Variants in EML6 observed in about 807,000 individuals in gnomAD.
The protein encoded by EML6 is EMAP like 6.
In EML6, 154 loss-of-function variants were observed where a neutral mutation model predicts 240.1. The ratio of observed to expected loss-of-function variants is 0.64; its 90% CI spans 0.56 to 0.73. The LOEUF is 0.73. EML6 is among the 30% of genes least tolerant of loss of function. EML6 has a pLI of 0.00. For synonymous variants in EML6, 1,148 were observed against 899.0 expected, an observed-to-expected ratio of 1.28 and a Z score of -4.95; for missense variants, 2,964 against 2,474.6, an observed-to-expected ratio of 1.20 and a Z score of -4.20.
intron 2 of EML6, among the ~76,000 whole-genome samples, chr2:54,802,932 C>T (rs1349000997): frequency 1.3e-5 from 2 of 152,130 alleles, no homozygotes; most frequent in Admixed American, 6.5e-5. Flanking sequence ...TGAATCCAAA[C>T]TGCGCAGAAT....
intron 2 of EML6, among the ~76,000 whole-genome samples, chr2:54,803,330 G>A (rs932641045): frequency 6.6e-6 from 1 of 152,160 alleles, no homozygotes; most frequent in Non-Finnish European, 1.5e-5. Flanking sequence ...GAAAAGAATA[G>A]GACCTCAATT....
At chr2:54,858,283 T>G (rs1475555698) in intron 11 of EML6, among the ~76,000 whole-genome samples, 1 of 152,262 alleles carries the variant, frequency 6.6e-6, no homozygotes, top group Non-Finnish European at 1.5e-5. Flanking sequence ...CAGTACCTTT[T>G]ATAACCTCCT....
intron 28 of EML6, among the ~76,000 whole-genome samples, chr2:54,933,423 A>G (rs6545461): frequency 0.33 from 50,431 of 152,002 alleles, 8,688 homozygotes; most frequent in Non-Finnish European, 0.36. Flanking sequence ...TTCTCTTAAA[A>G]TGGCCCCATT....
chr2:54,849,151 A>G (rs543315138), intron 9 of EML6, among the ~76,000 whole-genome samples: 1 of 152,248 alleles, frequency 6.6e-6, no homozygotes, highest in African/African-American at 2.4e-5. Context: ...AAAAATCGAT[A>G]CATAATAGAT....
At chr2:54,892,695 C>A in intron 19 of EML6, 39 bp downstream of exon 19, 3 of 1,493,106 alleles carry the variant, frequency 2.0e-6, no homozygotes, top group Non-Finnish European at 2.7e-6. Flanking sequence ...CCTCATCAGC[C>A]TTCTAAAATT....
At chr2:54,943,501 C>A (rs1675533358) in intron 28 of EML6, among the ~76,000 whole-genome samples, 1 of 152,210 alleles carries the variant, frequency 6.6e-6, no homozygotes, top group Non-Finnish European at 1.5e-5. Flanking sequence ...CACCTTCCTT[C>A]CAACCTTTTT....
At chr2:54,848,396 C>G (rs907572426) in intron 9 of EML6, among the ~76,000 whole-genome samples, 3 of 152,140 alleles carry the variant, frequency 2.0e-5, no homozygotes, top group African/African-American at 7.2e-5. Context: ...ACACTACATT[C>G]TCACTACCAA....
At chr2:54,851,224 C>T (rs982969548) in intron 10 of EML6, among the ~76,000 whole-genome samples, 4 of 151,992 alleles carry the variant, frequency 2.6e-5, no homozygotes, top group African/African-American at 9.7e-5. Flanking sequence ...ACCTGGCCAA[C>T]ATGGTGAAGT....
At position 54,970,198 on chromosome 2, in the gene EML6, ACCATGCTGCC is replaced by A. The variant is rs1676928979; in HGVS notation, c.*106_*115del. Reference sequence around the variant, plus strand: ...TGCCACCAGCCGTTGGGAAATGCCTACCATGCTGCCCCGGATGCACAAGCTCAAAACGCTG... The same window carrying A: ...TGCCACCAGCCGTTGGGAAATGCCTACCGGATGCACAAGCTCAAAACGCTG... On this transcript the variant is annotated 3_prime_UTR_variant, in exon 42 of 42. Transcript: ENST00000356458. 8.9e-7 allele frequency: 1 copy of A among 1,129,672 alleles called. No homozygotes were observed. The highest frequency in any genetic ancestry group is 2.0e-5 in the Admixed American group (1 of 50,426). The allele number at this position is 1,129,672 out of a possible 1,614,324, so 70.0% of individuals were successfully genotyped here.
At chr2:54,931,239 G>A (rs1674846504) in intron 28 of EML6, among the ~76,000 whole-genome samples, 1 of 151,948 alleles carries the variant, frequency 6.6e-6, no homozygotes, top group South Asian at 2.1e-4. Flanking sequence ...TTACAGGCGT[G>A]AGCCACCGCG....
chr2:54,879,697 C>G (rs1558642968), intron 17 of EML6, 57 bp downstream of exon 17: 1 of 999,822 alleles, frequency 1.0e-6, no homozygotes. Flanking sequence ...CAGTAAAGGT[C>G]AATAGTTTTC....
intron 24 of EML6, among the ~76,000 whole-genome samples, chr2:54,907,970 T>C (rs1294424950): frequency 1.3e-5 from 1 of 74,940 alleles, no homozygotes; most frequent in African/African-American, 4.8e-5. Flanking sequence ...GATAGATAGA[T>C]AGATAGATAG....
chr2:54,823,455 A>G (rs912462080), intron 5 of EML6, among the ~76,000 whole-genome samples: 10 of 49,028 alleles, frequency 2.0e-4, no homozygotes, highest in African/African-American at 7.0e-4. Flanking sequence ...AACCTATTCC[A>G]TAGTTTTTTT....
At chr2:54,896,558 T>C (rs1457503120) in intron 21 of EML6, among the ~76,000 whole-genome samples, 1 of 152,124 alleles carries the variant, frequency 6.6e-6, no homozygotes, top group Non-Finnish European at 1.5e-5. Flanking sequence ...TAAGACCATA[T>C]TTAGGTGGAA....
At chr2:54,808,487 G>C (rs942807695) in intron 2 of EML6, among the ~76,000 whole-genome samples, 1 of 151,584 alleles carries the variant, frequency 6.6e-6, no homozygotes, top group African/African-American at 2.4e-5. Context: ...GAGGGAGAAG[G>C]CTTTCATGCT....
chr2:54,894,834 C>A (rs1672675232), intron 19 of EML6, 81 bp from the exon 20 acceptor site: 2 of 842,378 alleles, frequency 2.4e-6, no homozygotes, highest in Non-Finnish European at 1.9e-6. Context: ...GCTTCCTTAC[C>A]TGCGGGGAAT....
At chr2:54,922,933 C>CT (rs36078208) in intron 26 of EML6, among the ~76,000 whole-genome samples, 10,375 of 73,726 alleles carry the variant, frequency 0.14, 812 homozygotes, top group African/African-American at 0.2. Context: ...AGGGTATAAA[C>CT]TTTTTTTTTT....
intron 24 of EML6, among the ~76,000 whole-genome samples, chr2:54,904,067 C>G (rs752829598): frequency 2.6e-5 from 4 of 152,180 alleles, no homozygotes; most frequent in Admixed American, 6.5e-5. Context: ...TATGGTGTTG[C>G]ATAGTCTTAA....
At chr2:54,789,513 C>CAA (rs576842183) in intron 2 of EML6, among the ~76,000 whole-genome samples, 1,085 of 77,730 alleles carry the variant, frequency 0.014, 195 homozygotes, top group Non-Finnish European at 0.018. Flanking sequence ...GACTTCGTCT[C>CAA]AAAAAAAAAA....
Sources: gnomAD v4.1 joint callset for allele counts (sites outside exome capture counted in the v4.1 genomes callset) on GRCh38, gnomAD v4.1.1 for gene constraint, MANE v1.5 for transcripts, NCBI Gene and HGNC (gene_info 2026-07-23, HGNC 2026-07-21) for gene names.